The following KIF21A variants were observed in gnomAD, a reference collection of about 807,000 sequenced individuals.
The protein encoded by KIF21A is kinesin family member 21A, also known as kinesin-like protein KIF21A.
A neutral mutation model predicts 202.9 loss-of-function variants in KIF21A; 114 were observed. The observed-to-expected ratio is 0.56, with a 90% CI of 0.48 to 0.66. The LOEUF (loss-of-function observed/expected upper bound fraction) is 0.66, where lower values mean the gene tolerates loss of function less well. KIF21A is among the 30% of genes least tolerant of loss of function. KIF21A has a pLI of 0.00. For synonymous variants in KIF21A, 667 were observed against 670.8 expected (o/e 0.99, Z 0.09); for missense variants, 1,677 against 1,994.9 (o/e 0.84, Z 3.04).
At position 39,330,596 on chromosome 12, in the gene KIF21A, C is replaced by T. The variant is rs1374113115; in HGVS notation, c.3319+150G>A. On this transcript the variant is annotated intron_variant, in intron 23 of 37. Coordinates refer to ENST00000361418, the MANE Select transcript of KIF21A (RefSeq NM_001173464.2). ...AATAATTACCTCGCCAAAATGTACA[C>T]ATGCAAATTAAAGAAAGAATAATTA... is the stretch of plus-strand genomic sequence containing the variant. The T allele has an allele frequency of 5.3e-6, 4 of 754,892 alleles. No individual in the cohort carries two copies. The East Asian group carries it at 1.1e-4, about 20-fold the overall frequency. 46.8% of individuals were successfully genotyped at this position (754,892 alleles called of 1,614,324 possible).
chr12:39,421,877 T>G, intron 1 of KIF21A, among the ~76,000 whole-genome samples: 1 of 147,682 alleles, frequency 6.8e-6, no homozygotes. Context: ...AATAAACATA[T>G]ATATGGCAGA....
At chr12:39,332,857 A>C in intron 19 of KIF21A, 36 bp downstream of exon 19, 1 of 1,610,710 alleles carries the variant, frequency 6.2e-7, no homozygotes, top group Non-Finnish European at 8.5e-7. Context: ...TTAACGGCCA[A>C]GAAGATTACA....
chr12:39,315,392 A>T, intron 30 of KIF21A, 152 bp from the exon 31 acceptor site: 1 of 703,940 alleles, frequency 1.4e-6, no homozygotes, highest in Non-Finnish European at 2.5e-6. Context: ...GAAAAAAAAT[A>T]ACAGTTATTT....
intron 1 of KIF21A, among the ~76,000 whole-genome samples, chr12:39,388,344 G>A (rs1337809552): frequency 6.6e-6 from 1 of 152,166 alleles, no homozygotes; most frequent in East Asian, 1.9e-4. Flanking sequence ...GAAGCAGTCT[G>A]AAGCCCTCAC....
At chr12:39,311,383 CT>C in intron 32 of KIF21A, 33 bp downstream of exon 32, 2 of 1,587,650 alleles carry the variant, frequency 1.3e-6, no homozygotes, top group East Asian at 2.2e-5. Context: ...AAAAAAAAAG[CT>C]ATTAAATATC....
intron 1 of KIF21A, among the ~76,000 whole-genome samples, chr12:39,441,582 A>G (rs1939586768): frequency 6.7e-6 from 1 of 150,078 alleles, no homozygotes; most frequent in Admixed American, 6.7e-5. Flanking sequence ...AGAATAACGA[A>G]GAAGGCCTAA....
intron 2 of KIF21A, 21 bp downstream of exon 2, chr12:39,370,018 T>A (rs767014740): frequency 1.2e-6 from 2 of 1,604,694 alleles, no homozygotes. Flanking sequence ...TCAACTCCTA[T>A]GAAAATAATA....
chr12:39,416,900 T>G (rs11172082), intron 1 of KIF21A, among the ~76,000 whole-genome samples: 9,612 of 143,396 alleles, frequency 0.067, 539 homozygotes, highest in South Asian at 0.24. Context: ...TGTGTATATA[T>G]ATATGTACAC....
chr12:39,434,446 C>G (rs755761416), intron 1 of KIF21A, among the ~76,000 whole-genome samples: 1 of 152,078 alleles, frequency 6.6e-6, no homozygotes, highest in Non-Finnish European at 1.5e-5. Context: ...TTGGTTATAC[C>G]AACTTTATCT....
intron 24 of KIF21A, among the ~76,000 whole-genome samples, chr12:39,329,460 G>A (rs1946298977): frequency 6.6e-6 from 1 of 151,972 alleles, no homozygotes; most frequent in Non-Finnish European, 1.5e-5. Flanking sequence ...ACAAGAAGGA[G>A]GAGAAAGATG....
chr12:39,330,789 T>C lies in KIF21A; in HGVS notation c.3276A>G (p.Glu1092=). 1 of 1,614,030 alleles carries C rather than the reference T, an allele frequency of 6.2e-7. No homozygotes were observed. Among genetic ancestry groups the C allele is most frequent in the Non-Finnish European group, 8.5e-7 (1 of 1,179,896 alleles). The part of the protein sequence containing the change: ...LLFHMLKEKA[E]LNPELDALLG... ...GTAAAGCATCTAGCTCAGGATTTAA[T>C]TCTGCCTTCTCTTTCAACATATGGA... Residue 1092 remains glutamate (E), a synonymous_variant, in exon 23 of 38, where the codon GAA becomes GAG. Coordinates refer to ENST00000361418, the MANE Select transcript of KIF21A (RefSeq NM_001173464.2).
chr12:39,348,829 CT>C (rs1165749093), intron 11 of KIF21A, among the ~76,000 whole-genome samples: 1 of 151,712 alleles, frequency 6.6e-6, no homozygotes, highest in East Asian at 1.9e-4. Flanking sequence ...CTTTTCTACT[CT>C]TTTTTTCATT....
At chr12:39,435,787 A>G (rs535485691) in intron 1 of KIF21A, among the ~76,000 whole-genome samples, 74 of 152,244 alleles carry the variant, frequency 4.9e-4, no homozygotes, top group African/African-American at 1.7e-3. Flanking sequence ...CAGGGAAGCC[A>G]CATGTCTCAG....
chr12:39,416,644 T>C (rs1396806110), intron 1 of KIF21A, among the ~76,000 whole-genome samples: 1 of 140,664 alleles, frequency 7.1e-6, no homozygotes, highest in Non-Finnish European at 1.5e-5. Flanking sequence ...TATATATATA[T>C]GTACATATAT....
intron 29 of KIF21A, among the ~76,000 whole-genome samples, chr12:39,316,616 T>C (rs759606052): frequency 3.9e-4 from 59 of 152,210 alleles, no homozygotes; most frequent in Non-Finnish European, 5.4e-4. Flanking sequence ...GTCTGGTTAT[T>C]AAGAAAATCT....
chr12:39,380,257 C>T lies in KIF21A; in HGVS notation c.45-9996G>A, dbSNP rs539472901. ...TACTCGGGTTACAGGCGTGAGCCACCGCTCCCGGCCTAACAACGCTTTTTT... is the reference window on the plus strand; with the variant it reads ...TACTCGGGTTACAGGCGTGAGCCACTGCTCCCGGCCTAACAACGCTTTTTT... On this transcript the variant is annotated intron_variant, in intron 1 of 37. Transcript: ENST00000361418. 5.3e-5 allele frequency among the ~76,000 whole-genome samples: 8 copies of T among 152,340 alleles called. No homozygotes were observed. In the South Asian group the frequency reaches 8.3e-4, roughly 16 times the overall value.
At chr12:39,387,078 C>A (rs1950995030) in intron 1 of KIF21A, among the ~76,000 whole-genome samples, 2 of 151,204 alleles carry the variant, frequency 1.3e-5, no homozygotes, top group Admixed American at 1.3e-4. Flanking sequence ...AAAAAACTAT[C>A]TTCAGCCATG....
intron 16 of KIF21A, among the ~76,000 whole-genome samples, chr12:39,339,222 C>G (rs951038614): frequency 3.0e-5 from 4 of 132,812 alleles, no homozygotes; most frequent in South Asian, 2.5e-4. Context: ...GGCAACAGAG[C>G]GAGACTCCCT....
At chr12:39,363,732 G>T (rs965975343) in intron 6 of KIF21A, among the ~76,000 whole-genome samples, 1 of 152,140 alleles carries the variant, frequency 6.6e-6, no homozygotes, top group Non-Finnish European at 1.5e-5. Flanking sequence ...CATACAATAA[G>T]ATGGGCTGGG....
Sources: gnomAD v4.1 joint callset for allele counts (sites outside exome capture counted in the v4.1 genomes callset) on GRCh38, gnomAD v4.1.1 for gene constraint, MANE v1.5 for transcripts, NCBI Gene and HGNC (gene_info 2026-07-23, HGNC 2026-07-21) for gene names.